Variants in POLD1 observed in about 807,000 individuals in gnomAD.
The protein encoded by POLD1 is DNA polymerase delta 1, catalytic subunit, also known as DNA polymerase delta catalytic subunit.
In POLD1, 79 loss-of-function variants were observed where a neutral mutation model predicts 129.7. The ratio of observed to expected loss-of-function variants is 0.61; its 90% CI spans 0.51 to 0.73. The LOEUF (loss-of-function observed/expected upper bound fraction) is 0.73, where lower values mean the gene tolerates loss of function less well. POLD1 is among the 30% of genes least tolerant of loss of function. POLD1 has a pLI of 0.00. For synonymous variants in POLD1, 714 were observed against 683.3 expected (o/e 1.04, Z -0.70); for missense variants, 1,338 against 1,595.8 (o/e 0.84, Z 2.75).
In POLD1 at chr19:50,417,207, G is replaced by A. The variant is rs373910727; in HGVS notation, c.3156G>A (p.Ser1052=). Residue 1052 remains serine, a synonymous_variant, in exon 26 of 27, where the codon TCG becomes TCA. Transcript: ENST00000440232. ...SHLNALEERF[S]RLWTQCQRCQ... ...TGAATGCCCTGGAGGAGCGCTTCTC[G>A]CGCCTCTGGACGCAGTGCCAGCGCT... 53 of 1,606,880 alleles carry A rather than the reference G, an allele frequency of 3.3e-5. No homozygotes were observed. The highest frequency in any genetic ancestry group is 2.5e-4 in the African/African-American group (19 of 74,848).
At chr19:50,416,114 C>CCCAGTGACCCACAT (rs1178819670) in intron 22 of POLD1, 6 of 581,868 alleles carry the variant, frequency 1.0e-5, no homozygotes, top group Non-Finnish European at 1.8e-5. Context: ...TACCCCCACC[C>CCCAGTGACCCACAT]CCAGTGACCC....
chr19:50,397,403 CTT>C (rs1212103062), intron 1 of POLD1, among the ~76,000 whole-genome samples: 8 of 133,606 alleles, frequency 6.0e-5, no homozygotes, highest in Admixed American at 7.6e-5. Flanking sequence ...GAGATTCTGT[CTT>C]TTTTTTTTTT....
rs777866589 is a variant in POLD1, at chr19:50,406,992, G to C, written c.1504G>C (p.Asp502His). The change falls in exon 13 of 27, where the codon GAC becomes CAC. Residue 502 changes from aspartate to histidine, a missense_variant. By Grantham distance (81) the Asp-to-His change is moderately conservative (BLOSUM62 -1). Around this residue, in one of 3 missense-constraint regions of POLD1, gnomAD observed 720 missense variants for 1,002.6 expected, o/e 0.72. Transcript: ENST00000440232. The surrounding 1 kb of genome is among the most constrained non-coding windows in gnomAD (Gnocchi z 5.5). ...SIITDLQNGN[D>H]QTRRRLAVYC... Reference sequence around the variant, plus strand: ...CCGTGCCCATCCCCAGAATGGGAACGACCAGACCCGCCGCCGCCTGGCTGT... The same window carrying C: ...CCGTGCCCATCCCCAGAATGGGAACCACCAGACCCGCCGCCGCCTGGCTGT... 7.0e-7 allele frequency: 1 copy of C among 1,435,758 alleles called. No homozygotes were observed. Among genetic ancestry groups the C allele is most frequent in the Non-Finnish European group, 9.4e-7 (1 of 1,069,170 alleles). 88.9% of individuals were successfully genotyped at this position (1,435,758 alleles called of 1,614,324 possible).
At chr19:50,407,872 G>A (rs182774788) in intron 14 of POLD1, among the ~76,000 whole-genome samples, 1,977 of 148,874 alleles carry the variant, frequency 0.013, 27 homozygotes, top group Middle Eastern at 0.034. Flanking sequence ...GTGCCCGGCC[G>A]AAAAAATTTT....
chr19:50,407,765 C>T (rs1361504945), intron 14 of POLD1, among the ~76,000 whole-genome samples: 3 of 132,806 alleles, frequency 2.3e-5, no homozygotes, highest in Admixed American at 7.7e-5. Flanking sequence ...TTAGTAGGGA[C>T]GGGGTTTCAC....
In POLD1 at chr19:50,410,644, C is replaced by T. The variant is rs3219414; in HGVS notation, c.2154+978C>T. 7.1e-3 allele frequency among the ~76,000 whole-genome samples: 1,076 copies of T among 152,252 alleles called. 8 individuals carry two copies. Among genetic ancestry groups the T allele is most frequent in the Middle Eastern group, 0.017 (5 of 294 alleles). ...AGGGCAGGGTATAGGAGGGACCAGG[C>T]GTGTCTTCCAGTTGTGCTCTCCCAG... On this transcript the variant is annotated intron_variant, in intron 17 of 26. Coordinates refer to ENST00000440232, the MANE Select transcript of POLD1 (RefSeq NM_002691.4).
In POLD1 at chr19:50,415,483, C is replaced by T. The variant is rs967146480; in HGVS notation, c.2610C>T (p.Asp870=). ...CTCACGCACAGGACGTCATCTCGGACCTGCTGTGCAACCGCATCGATATCT... is the reference window on the plus strand; with the variant it reads ...CTCACGCACAGGACGTCATCTCGGATCTGCTGTGCAACCGCATCGATATCT... The part of the protein sequence containing the change: ...AVAHAQDVIS[D]LLCNRIDISQ... The change falls in exon 21 of 27, where the codon GAC becomes GAT. Residue 870 remains aspartate, a synonymous_variant. Coordinates refer to ENST00000440232, the MANE Select transcript of POLD1 (RefSeq NM_002691.4). The T allele has an allele frequency of 3.1e-6, 5 of 1,613,198 alleles. No homozygotes were observed. The highest frequency in any genetic ancestry group is 4.2e-6 in the Non-Finnish European group (5 of 1,179,958).
chr19:50,400,419 C>T (rs1289298737), intron 3 of POLD1, among the ~76,000 whole-genome samples: 1 of 150,436 alleles, frequency 6.6e-6, no homozygotes, highest in African/African-American at 2.4e-5. Flanking sequence ...CAGGGTTTCG[C>T]CATGTTGGCC....
chr19:50,402,124 A>C lies in POLD1; in HGVS notation c.589A>C (p.Ser197Arg), dbSNP rs1040524947. The C allele has an allele frequency of 3.7e-6, 6 of 1,609,898 alleles. No homozygotes were observed. Among genetic ancestry groups the C allele is most frequent in the Non-Finnish European group, 5.1e-6 (6 of 1,177,832 alleles). The change falls in exon 5 of 27, where the codon AGC (serine) becomes CGC (arginine). Residue 197 changes from serine to arginine, a missense_variant and splice_region_variant. Physicochemically the swap from Ser to Arg is moderately radical, Grantham distance 110. Coordinates refer to ENST00000440232, the MANE Select transcript of POLD1 (RefSeq NM_002691.4). ...VLAVELCSRE[S>R]MFGYHGHGPS... ...GGCTGTGGAACTGTGCTCCCGAGAG[A>C]GTGAGTGCTCCCCCAGGATCAGCGG...
chr19:50,407,354 G>C lies in POLD1; in HGVS notation c.1714G>C (p.Val572Leu), dbSNP rs775434361. ...CATGCACGAGGGGCTGCTGATGCCC[G>C]TGGTGAAGTCAGAGGGCGGCGAGGA... ...QAMHEGLLMPVVKSEGGEDYT... is the reference protein window; with the variant it reads ...QAMHEGLLMPLVKSEGGEDYT... The change falls in exon 14 of 27, where the codon GTG (valine) becomes CTG (leucine). Residue 572 changes from valine (V) to leucine (L), a missense_variant. Around this residue, in one of 3 missense-constraint regions of POLD1, gnomAD observed 720 missense variants for 1,002.6 expected, o/e 0.72. Transcript: ENST00000440232. The C allele has an allele frequency of 1.2e-6, 2 of 1,612,746 alleles. No homozygotes were observed. The highest frequency in any genetic ancestry group is 1.7e-5 in the Admixed American group (1 of 59,942).
rs2038883242 is a variant in POLD1 at position 50,406,396 on chromosome 19, C to A, written c.1384-11C>A. 1 of 1,606,594 alleles carries A rather than the reference C, an allele frequency of 6.2e-7. No homozygotes were observed. Among genetic ancestry groups the A allele is most frequent in the Non-Finnish European group, 8.5e-7 (1 of 1,176,332 alleles). On this transcript the variant is annotated splice_polypyrimidine_tract_variant and intron_variant, in intron 11 of 26. Transcript: ENST00000440232. This position sits in a 1 kb window ranked among gnomAD's most constrained non-coding sequence, Gnocchi z 5.5. ...CAGGCCCGCAGCCCACCAGCCCACCCACCCACCTAGGTGCTGCTGCGGGAG... is the reference window on the plus strand; with the variant it reads ...CAGGCCCGCAGCCCACCAGCCCACCAACCCACCTAGGTGCTGCTGCGGGAG...
At chr19:50,392,245 T>G (rs1046818267) in intron 1 of POLD1, among the ~76,000 whole-genome samples, 2 of 151,880 alleles carry the variant, frequency 1.3e-5, no homozygotes, top group African/African-American at 2.4e-5. Flanking sequence ...TAATTTTTAA[T>G]TTTTTGTAGA....
At chr19:50,404,147 G>C in intron 10 of POLD1, among the ~76,000 whole-genome samples, 1 of 152,268 alleles carries the variant, frequency 6.6e-6, no homozygotes, top group Middle Eastern at 3.4e-3. Flanking sequence ...CTTCCTTCGG[G>C]GGCTGCAAGG....
chr19:50,398,562 T>C, intron 1 of POLD1, among the ~76,000 whole-genome samples: 2 of 102,332 alleles, frequency 2.0e-5, no homozygotes. Flanking sequence ...AAGAGCACAA[T>C]TCCATCTCAA....
chr19:50,407,438 G>C (rs1435653647), intron 14 of POLD1, 23 bp downstream of exon 14: 1 of 1,499,758 alleles, frequency 6.7e-7, no homozygotes. Flanking sequence ...GCTGGGTGCA[G>C]TTTTTACCTG....
intron 10 of POLD1, among the ~76,000 whole-genome samples, chr19:50,404,817 C>T (rs921427737): frequency 3.3e-5 from 5 of 151,642 alleles, no homozygotes; most frequent in Non-Finnish European, 5.9e-5. Context: ...TGCAATGGCA[C>T]GATCTTGGCT....
At chr19:50,388,912 A>G (rs2123715856) in intron 1 of POLD1, among the ~76,000 whole-genome samples, 1 of 140,432 alleles carries the variant, frequency 7.1e-6, no homozygotes, top group Non-Finnish European at 1.5e-5. Context: ...GGCTCACTGC[A>G]ACCTCTGCCT....
In POLD1 at chr19:50,401,367, GTATA is replaced by G. The variant is rs1194001538; in HGVS notation, c.317-389_317-386del. Reference sequence around the variant, plus strand: ...TATGTGTGTGTATTTGTGTATATGTGTATATATATATATATATATATATATTTTT... The same window carrying G: ...TATGTGTGTGTATTTGTGTATATGTGTATATATATATATATATATATTTTT... On this transcript the variant is annotated intron_variant, in intron 3 of 26. Coordinates refer to ENST00000440232, the MANE Select transcript of POLD1 (RefSeq NM_002691.4). Among the ~76,000 whole-genome samples the G allele has an allele frequency of 1.3e-3, 75 of 55,958 alleles. 1 individual carries two copies. The highest frequency in any genetic ancestry group is 6.2e-3 in the African/African-American group (67 of 10,844). The allele number at this position is 55,958 out of a possible 152,430, so 36.7% of individuals were successfully genotyped here.
chr19:50,388,205 T>G (rs2038035210), intron 1 of POLD1, among the ~76,000 whole-genome samples: 1 of 152,170 alleles, frequency 6.6e-6, no homozygotes, highest in African/African-American at 2.4e-5. Context: ...CTAAAGGATT[T>G]AGGCTTTTTG....
Sources: gnomAD v4.1 joint callset for allele counts (sites outside exome capture counted in the v4.1 genomes callset) on GRCh38, gnomAD v4.1.1 for gene constraint, gnomAD v4.1.1 regional missense constraint, Gnocchi (gnomAD v3.1) non-coding constraint, MANE v1.5 for transcripts, NCBI Gene and HGNC (gene_info 2026-07-23, HGNC 2026-07-21) for gene names.